The following ATP5PF variants were observed in gnomAD, a reference collection of about 807,000 sequenced individuals.
The protein encoded by ATP5PF is ATP synthase peripheral stalk subunit F6.
A neutral mutation model predicts 12.0 loss-of-function variants in ATP5PF; 7 were observed. The ratio of observed to expected loss-of-function variants is 0.58; its 90% CI spans 0.33 to 1.10. The LOEUF (loss-of-function observed/expected upper bound fraction) is 1.10, where lower values mean the gene tolerates loss of function less well. Among genes scored for constraint, ATP5PF ranks in the 50% least tolerant of loss-of-function variants. ATP5PF has a pLI of 0.03. For missense variants in ATP5PF, 120 were observed against 127.7 expected (o/e 0.94, Z 0.29); for synonymous variants, 41 against 45.4 (o/e 0.90, Z 0.39).
At chr21:25,725,479 C>T (rs2034594419) in intron 2 of ATP5PF, 129 bp from the exon 3 acceptor site, 15 of 1,114,972 alleles carry the variant, frequency 1.3e-5, no homozygotes, top group Middle Eastern at 3.1e-4. Context: ...CTTGCTTGGT[C>T]GCCAGGCTGG....
At chr21:25,734,777 G>A in intron 1 of ATP5PF, 76 bp downstream of exon 1, 1 of 1,404,610 alleles carries the variant, frequency 7.1e-7, no homozygotes, top group Non-Finnish European at 9.6e-7. Flanking sequence ...AAGGTGAGAG[G>A]CAGCCCAGGC....
Position 25,728,995 on chromosome 21 carries a change from A to C in ATP5PF, c.164+636T>G, listed in dbSNP as rs573044766. 5.2e-5 allele frequency among the ~76,000 whole-genome samples: 7 copies of C among 134,318 alleles called. No individual in the cohort carries two copies. The East Asian group carries it at 1.5e-3, about 30-fold the overall frequency. 88.1% of individuals were successfully genotyped at this position (134,318 alleles called of 152,430 possible). A position where few individuals can be genotyped will look rare whatever the true frequency, so the allele number is the denominator to read the frequency against. ...GAATTGGTGCGCCTCACTGTTCCTA[A>C]GATTTGGGTTTGGACCTGATGACAG... On this transcript the variant is annotated intron_variant, in intron 2 of 3. Transcript: ENST00000284971.
chr21:25,725,463 C>CG, intron 2 of ATP5PF, 113 bp from the exon 3 acceptor site: 2 of 1,254,814 alleles, frequency 1.6e-6, no homozygotes, highest in Non-Finnish European at 2.1e-6. Flanking sequence ...TTTTTTGAGA[C>CG]GGAGTCTTGC....
chr21:25,725,468 T>G, intron 2 of ATP5PF, 118 bp from the exon 3 acceptor site: 2 of 1,205,750 alleles, frequency 1.7e-6, no homozygotes, highest in African/African-American at 3.1e-5. Flanking sequence ...TGAGACGGAG[T>G]CTTGCTTGGT....
At chr21:25,724,840 A>G (rs981151763) in intron 3 of ATP5PF, 163 bp from the exon 4 acceptor site, 9 of 704,538 alleles carry the variant, frequency 1.3e-5, no homozygotes, top group Non-Finnish European at 1.9e-5. Flanking sequence ...AACACTTTCT[A>G]TGAGCCATGC....
intron 1 of ATP5PF, 31 bp from the exon 2 acceptor site, chr21:25,729,832 A>C (rs754485962): frequency 1.3e-6 from 2 of 1,599,076 alleles, no homozygotes; most frequent in African/African-American, 2.7e-5. Context: ...CAGAAACGTT[A>C]ATATACTTAT....
rs1222176758 is a variant in ATP5PF, at chr21:25,734,651, G to A, written c.-8+202C>T. ...CCGATTTGCCCTCAGAGAGGGTATC[G>A]ATCTTATTTCTGGGTCTACGGCAAA... On this transcript the variant is annotated intron_variant, in intron 1 of 3. Transcript: ENST00000284971. 8.1e-6 allele frequency: 4 copies of A among 493,530 alleles called. No homozygotes were observed. In the Admixed American group the frequency reaches 1.2e-4, roughly 14 times the overall value. The allele number at this position is 493,530 out of a possible 1,614,324, so 30.6% of individuals were successfully genotyped here.
At position 25,729,660 on chromosome 21, in the gene ATP5PF, G is replaced by A; in HGVS notation, c.135C>T (p.Asp45=). Residue 45 remains aspartate, a synonymous_variant, in exon 2 of 4, where the codon GAC becomes GAT. Coordinates refer to ENST00000284971, the MANE Select transcript of ATP5PF (RefSeq NM_001003703.2). ...ELDPIQKLFV[D]KIREYKSKRQ... ...GCTTAGATTTGTATTCTCTAATCTTGTCCACAAAGAGTTTCTGTATAGGAT... is the reference window on the plus strand; with the variant it reads ...GCTTAGATTTGTATTCTCTAATCTTATCCACAAAGAGTTTCTGTATAGGAT... 4 of 1,596,858 alleles carry A rather than the reference G, an allele frequency of 2.5e-6. No homozygotes were observed. Among genetic ancestry groups the A allele is most frequent in the South Asian group, 2.2e-5 (2 of 90,638 alleles).
At chr21:25,734,326 G>A (rs1400784841) in intron 1 of ATP5PF, 6 of 986,030 alleles carry the variant, frequency 6.1e-6, no homozygotes, top group Non-Finnish European at 7.2e-6. Context: ...TTATAGTGAT[G>A]ACTGACCGGC....
intron 1 of ATP5PF, among the ~76,000 whole-genome samples, chr21:25,732,977 C>A (rs1323494208): frequency 1.1e-5 from 1 of 88,034 alleles, no homozygotes; most frequent in Non-Finnish European, 2.0e-5. Context: ...AAGAGTGAAA[C>A]TCTGTCTCAA....
chr21:25,732,912 G>C (rs1211680563), intron 1 of ATP5PF, among the ~76,000 whole-genome samples: 1 of 149,056 alleles, frequency 6.7e-6, no homozygotes, highest in East Asian at 2.0e-4. Context: ...AACCCAGGAG[G>C]CGGAGGTTGC....
At chr21:25,725,977 C>G (rs988753172) in intron 2 of ATP5PF, among the ~76,000 whole-genome samples, 4 of 152,172 alleles carry the variant, frequency 2.6e-5, no homozygotes, top group Non-Finnish European at 5.9e-5. Flanking sequence ...GCTCTGGAGT[C>G]AAAGACTGGT....
chr21:25,733,984 GCATTCAA>G (rs1273381842), intron 1 of ATP5PF, among the ~76,000 whole-genome samples: 1 of 152,134 alleles, frequency 6.6e-6, no homozygotes, highest in African/African-American at 2.4e-5. Flanking sequence ...TCTATCCACA[GCATTCAA>G]CAGTTCTCAT....
chr21:25,733,726 C>G (rs1025144563), intron 1 of ATP5PF, among the ~76,000 whole-genome samples: 1 of 152,174 alleles, frequency 6.6e-6, no homozygotes, highest in African/African-American at 2.4e-5. Context: ...TTTCCTTGTA[C>G]CCTTACAGCA....
intron 2 of ATP5PF, among the ~76,000 whole-genome samples, chr21:25,728,917 T>C (rs1222254824): frequency 1.3e-5 from 2 of 152,224 alleles, no homozygotes; most frequent in Non-Finnish European, 2.9e-5. Context: ...TCACGGTTAA[T>C]AGCCAAGTGC....
intron 1 of ATP5PF, among the ~76,000 whole-genome samples, chr21:25,731,039 C>G (rs947850720): frequency 6.6e-6 from 1 of 151,876 alleles, no homozygotes; most frequent in Non-Finnish European, 1.5e-5. Context: ...GTCAGAGGTT[C>G]GAGACCAGCC....
intron 1 of ATP5PF, among the ~76,000 whole-genome samples, chr21:25,730,495 A>C (rs530330126): frequency 2.0e-5 from 3 of 152,098 alleles, no homozygotes; most frequent in Non-Finnish European, 4.4e-5. Context: ...GCACTTTGGG[A>C]GGCTGAGGCT....
At chr21:25,732,645 CAAAA>C (rs1279087632) in intron 1 of ATP5PF, among the ~76,000 whole-genome samples, 1 of 119,492 alleles carries the variant, frequency 8.4e-6, no homozygotes, top group Non-Finnish European at 1.8e-5. Context: ...AACCCTGTCT[CAAAA>C]AAAAAAAAAA....
At chr21:25,729,444 TAC>T (rs1429504085) in intron 2 of ATP5PF, among the ~76,000 whole-genome samples, 185 bp downstream of exon 2, 3 of 152,232 alleles carry the variant, frequency 2.0e-5, no homozygotes, top group Middle Eastern at 3.2e-3. Context: ...CATATAAAGA[TAC>T]AGTTTCTGAC....
Sources: allele counts gnomAD v4.1 joint callset (sites outside exome capture counted in the v4.1 genomes callset), GRCh38; gene constraint gnomAD v4.1.1; transcripts MANE v1.5; gene names NCBI Gene and HGNC (gene_info 2026-07-23, HGNC 2026-07-21).